XPO5: variants seen among roughly 807,000 people sequenced by gnomAD.
XPO5 encodes the protein exportin 5, also known as exportin-5.
Under a neutral mutation model 160.6 loss-of-function variants are expected in XPO5, and 46 were observed. The ratio of observed to expected loss-of-function variants is 0.29; its 90% CI spans 0.23 to 0.37. The LOEUF is 0.37. XPO5 is among the 10% of genes least tolerant of loss of function. The probability of loss-of-function intolerance (pLI) is 1.00; values close to 1 mark genes in which losing one functional copy is unlikely to be tolerated. For missense variants in XPO5, 1,090 were observed against 1,463.9 expected (o/e 0.74, Z 4.17); for synonymous variants, 537 against 519.3 (o/e 1.03, Z -0.46).
In XPO5 at chr6:43,567,189, G is replaced by C; in HGVS notation, c.814C>G (p.Leu272Val). 2 of 1,613,322 alleles carry C rather than the reference G, an allele frequency of 1.2e-6. No individual in the cohort carries two copies. The highest frequency in any genetic ancestry group is 1.7e-6 in the Non-Finnish European group (2 of 1,179,578). ...CTTACTTTTCTGCTGACTGCAATGA[G>C]AAGACACTCAGCGGCTCCCAACTGA... Reference protein sequence around the residue: ...ELQLGAAECLLIAVSRKGKLE... With the variant: ...ELQLGAAECLVIAVSRKGKLE... Residue 272 changes from leucine (L) to valine (V), a missense_variant, in exon 7 of 32, where the codon CTC becomes GTC. Leu to Val is a conservative substitution (Grantham distance 32). Around this residue, in one of 3 missense-constraint regions of XPO5, gnomAD observed 110 missense variants for 97.9 expected, o/e 1.12. Transcript: ENST00000265351.
intron 5 of XPO5, among the ~76,000 whole-genome samples, chr6:43,569,294 AAAAAAAAAAAACAAC>A (rs1271894902): frequency 2.0e-5 from 3 of 150,206 alleles, no homozygotes; most frequent in Admixed American, 6.6e-5. Context: ...CTCCGTCTCA[AAAAAAAAAAAACAAC>A]AAAAAAAAAT....
In XPO5 at chr6:43,524,116, C is replaced by T. The variant is rs1339678710; in HGVS notation, c.3478-111G>A. The T allele has an allele frequency of 1.2e-5, 18 of 1,453,860 alleles. No homozygotes were observed. The East Asian group carries it at 4.2e-4, about 34-fold the overall frequency. 90.1% of individuals were successfully genotyped at this position (1,453,860 alleles called of 1,614,324 possible). A position where few individuals can be genotyped will look rare whatever the true frequency, so the allele number is the denominator to read the frequency against. On this transcript the variant is annotated intron_variant, in intron 31 of 31. Coordinates refer to ENST00000265351, the MANE Select transcript of XPO5 (RefSeq NM_020750.3). ...CTGTAATCCCAACACTTTTGGGAGG[C>T]CAAGGCGGGTGGATCACCTGAGGTC...
At chr6:43,548,123 C>T in intron 18 of XPO5, 138 bp downstream of exon 18, 1 of 906,120 alleles carries the variant, frequency 1.1e-6, no homozygotes, top group Admixed American at 2.9e-5. Context: ...CAAAAGACTG[C>T]TTTTAGAGAA....
intron 3 of XPO5, 56 bp from the exon 4 acceptor site, chr6:43,571,050 G>C: frequency 6.4e-7 from 1 of 1,552,320 alleles, no homozygotes; most frequent in Non-Finnish European, 8.7e-7. Flanking sequence ...CAGACTTCCA[G>C]AAAAAAGCTG....
chr6:43,549,848 T>C, intron 16 of XPO5, 45 bp downstream of exon 16: 1 of 1,555,600 alleles, frequency 6.4e-7, no homozygotes, highest in Non-Finnish European at 8.8e-7. Flanking sequence ...TTCATACATT[T>C]GTACTCAAGA....
chr6:43,526,740 GCAAAC>G lies in XPO5; in HGVS notation c.2923_2927del (p.Val975LeufsTer8). 6.2e-7 allele frequency: 1 copy of G among 1,613,752 alleles called. No individual in the cohort carries two copies. The highest frequency in any genetic ancestry group is 8.5e-7 in the Non-Finnish European group (1 of 1,179,792). On this transcript the variant is annotated frameshift_variant and splice_region_variant, in exon 27 of 32. Coordinates refer to ENST00000265351, the MANE Select transcript of XPO5 (RefSeq NM_020750.3). LOFTEE classifies it high-confidence loss of function. Reference sequence around the variant, plus strand: ...GGTCAGCACCCTTCTTTGAAACACAGCAAACCGCTAAAGCAAGAAAGCAGGGTTAC... The same window carrying G: ...GGTCAGCACCCTTCTTTGAAACACAGCGCTAAAGCAAGAAAGCAGGGTTAC...
Position 43,531,469 on chromosome 6 carries a change from G to T in XPO5, c.2540+10C>A. On this transcript the variant is annotated intron_variant, in intron 22 of 31. Coordinates refer to ENST00000265351, the MANE Select transcript of XPO5 (RefSeq NM_020750.3). ...GAAGAAAATATGGAGAGGCAGCATTGGTTCCTTACCAGTTTTCATAGAGGG... is the reference window on the plus strand; with the variant it reads ...GAAGAAAATATGGAGAGGCAGCATTTGTTCCTTACCAGTTTTCATAGAGGG... 1.9e-6 allele frequency: 3 copies of T among 1,608,804 alleles called. No homozygotes were observed. The highest frequency in any genetic ancestry group is 1.1e-5 in the South Asian group (1 of 90,962).
At position 43,524,020 on chromosome 6, in the gene XPO5, T is replaced by C; in HGVS notation, c.3478-15A>G. ...CCCAAGGGTTTCTGTGGAAAACAAA[T>C]GAGAAAGAATTAATGCTGGGCCCTC... On this transcript the variant is annotated splice_polypyrimidine_tract_variant and intron_variant, in intron 31 of 31. Transcript: ENST00000265351. 6.2e-7 allele frequency: 1 copy of C among 1,609,566 alleles called. No individual in the cohort carries two copies. The highest frequency in any genetic ancestry group is 8.5e-7 in the Non-Finnish European group (1 of 1,179,464).
rs534059474 is a variant in XPO5 at position 43,523,795 on chromosome 6, G to A, written c.*73C>T. 268 of 1,611,936 alleles carry A rather than the reference G, an allele frequency of 1.7e-4. No homozygotes were observed. The highest frequency in any genetic ancestry group is 2.2e-4 in the Non-Finnish European group (264 of 1,178,332). On this transcript the variant is annotated 3_prime_UTR_variant, in exon 32 of 32. Transcript: ENST00000265351. ...GAAAGTGAGGTGGCAGTGCAAGAAG[G>A]GCCTAGAGATCGGCTACAAAGGGAA...
intron 13 of XPO5, among the ~76,000 whole-genome samples, chr6:43,554,456 C>T (rs1176387385): frequency 8.6e-5 from 13 of 150,646 alleles, no homozygotes; most frequent in African/African-American, 2.4e-4. Context: ...GATGGAGTCC[C>T]GCTCTTTGCC....
At chr6:43,557,912 A>G (rs1414792988) in intron 12 of XPO5, among the ~76,000 whole-genome samples, 1 of 151,960 alleles carries the variant, frequency 6.6e-6, no homozygotes, top group Non-Finnish European at 1.5e-5. Flanking sequence ...CCTGACCAAC[A>G]TGGAGAAACC....
intron 20 of XPO5, among the ~76,000 whole-genome samples, chr6:43,540,865 T>C (rs1183103846): frequency 2.6e-5 from 4 of 152,098 alleles, no homozygotes; most frequent in Non-Finnish European, 4.4e-5. Flanking sequence ...TTTAAAAAAT[T>C]GAGGCATAAT....
chr6:43,562,545 T>C lies in XPO5; in HGVS notation c.912-199A>G. 4 of 524,914 alleles carry C rather than the reference T, an allele frequency of 7.6e-6. No individual in the cohort carries two copies. The South Asian group carries it at 8.9e-5, about 12-fold the overall frequency. The allele number at this position is 524,914 out of a possible 1,614,324, so 32.5% of individuals were successfully genotyped here. ...AACCTGACCTAAAATGATATAGGAC[T>C]ATTCACACAAACAGCAATTAATAAC... On this transcript the variant is annotated intron_variant, in intron 8 of 31. Coordinates refer to ENST00000265351, the MANE Select transcript of XPO5 (RefSeq NM_020750.3).
In XPO5 at chr6:43,523,513, C is replaced by G; in HGVS notation, c.*355G>C. On this transcript the variant is annotated 3_prime_UTR_variant, in exon 32 of 32. Transcript: ENST00000265351. ...TTGCTAGTCGCAGGGTTGGGCACAG[C>G]ACCCTTAGTTACCATTCTGTACAGG... The G allele has an allele frequency of 2.3e-6, 1 of 427,306 alleles. No homozygotes were observed. The highest frequency in any genetic ancestry group is 1.9e-5 in the South Asian group (1 of 52,454). 26.5% of individuals were successfully genotyped at this position (427,306 alleles called of 1,614,324 possible). A position where few individuals can be genotyped will look rare whatever the true frequency, so the allele number is the denominator to read the frequency against.
intron 20 of XPO5, among the ~76,000 whole-genome samples, chr6:43,545,869 C>T (rs1050829551): frequency 3.3e-5 from 5 of 152,154 alleles, no homozygotes; most frequent in African/African-American, 1.2e-4. Flanking sequence ...TACTGGCCTA[C>T]TTCCACTTGA....
intron 3 of XPO5, among the ~76,000 whole-genome samples, chr6:43,571,403 G>A (rs6458342): frequency 0.11 from 16,969 of 152,076 alleles, 2,076 homozygotes; most frequent in African/African-American, 0.3. Flanking sequence ...ACTAGAAGAC[G>A]CAGAAGTATT....
At chr6:43,524,432 G>A in intron 31 of XPO5, 39 bp downstream of exon 31, 1 of 1,594,718 alleles carries the variant, frequency 6.3e-7, no homozygotes, top group Non-Finnish European at 8.5e-7. Flanking sequence ...CATGATTTAA[G>A]AAGGGGGTTG....
At chr6:43,546,850 A>C in intron 19 of XPO5, 98 bp from the exon 20 acceptor site, 1 of 1,159,574 alleles carries the variant, frequency 8.6e-7, no homozygotes, top group South Asian at 1.7e-5. Flanking sequence ...AAAGTGACAC[A>C]GAGGCCAGAG....
At position 43,572,490 on chromosome 6, in the gene XPO5, A is replaced by G. The variant is rs1388090567; in HGVS notation, c.300+16T>C. ...AACTACCTTGGAAACATGTCTCCCA[A>G]CCACCCATTCCTTACATTTGCAATC... On this transcript the variant is annotated intron_variant, in intron 3 of 31. Transcript: ENST00000265351. 5.0e-6 allele frequency: 8 copies of G among 1,613,586 alleles called. No individual in the cohort carries two copies. The South Asian group carries it at 7.7e-5, about 16-fold the overall frequency.
Sources: gnomAD v4.1 joint callset for allele counts (sites outside exome capture counted in the v4.1 genomes callset) on GRCh38, gnomAD v4.1.1 for gene constraint, gnomAD v4.1.1 regional missense constraint, MANE v1.5 for transcripts, NCBI Gene and HGNC (gene_info 2026-07-23, HGNC 2026-07-21) for gene names.